Variants in BMS1 observed in about 807,000 individuals in gnomAD.
BMS1 encodes ribosome biogenesis protein BMS1 homolog.
A neutral mutation model predicts 138.7 loss-of-function variants in BMS1; 53 were observed. That is an observed-to-expected ratio of 0.38 (90% CI 0.31 to 0.48). The LOEUF is 0.48. Ranked by LOEUF, BMS1 falls within the 20% of genes least tolerant of loss-of-function variation. The pLI is 0.97. For missense variants in BMS1, 1,360 were observed against 1,565.5 expected (o/e 0.87, Z 2.22); for synonymous variants, 504 against 539.9 (o/e 0.93, Z 0.92).
chr10:42,807,195 G>A (rs2132342840), intron 13 of BMS1, among the ~76,000 whole-genome samples: 1 of 152,306 alleles, frequency 6.6e-6, no homozygotes, highest in African/African-American at 2.4e-5. Flanking sequence ...CGTCCCTGCT[G>A]TTCCCCAGCC....
rs568004334 is a variant in BMS1, at chr10:42,806,034, A to C, written c.2329+3816A>C. 9.9e-5 allele frequency among the ~76,000 whole-genome samples: 15 copies of C among 152,174 alleles called. 1 individual carries two copies. The highest frequency in any genetic ancestry group is 8.5e-4 in the Admixed American group (13 of 15,276). On this transcript the variant is annotated intron_variant, in intron 13 of 22. Coordinates refer to ENST00000374518, the MANE Select transcript of BMS1 (RefSeq NM_014753.4). ...AGGCTAGTCTCAAACTCCTGACCTC[A>C]AGTGTGTGTTTGGAGGGGAGGGGTA... is the stretch of plus-strand genomic sequence containing the variant.
At chr10:42,827,153 G>T (rs377584287) in intron 21 of BMS1, among the ~76,000 whole-genome samples, 1 of 152,050 alleles carries the variant, frequency 6.6e-6, no homozygotes, top group Non-Finnish European at 1.5e-5. Flanking sequence ...CTAGACTCTC[G>T]TGTTTCCTCT....
intron 21 of BMS1, among the ~76,000 whole-genome samples, chr10:42,829,820 C>CA (rs1413908369): frequency 7.6e-6 from 1 of 131,406 alleles, no homozygotes. Flanking sequence ...GACTCCATCT[C>CA]AAAAAAACAA....
chr10:42,808,430 C>G (rs780964975), intron 13 of BMS1, among the ~76,000 whole-genome samples: 9 of 151,786 alleles, frequency 5.9e-5, no homozygotes, highest in Non-Finnish European at 1.3e-4. Flanking sequence ...TCCCGAGTAG[C>G]TGGGACTACA....
At chr10:42,817,576 G>A (rs904300043) in intron 15 of BMS1, 82 bp downstream of exon 15, 26 of 1,335,170 alleles carry the variant, frequency 1.9e-5, no homozygotes, top group African/African-American at 3.0e-5. Context: ...GGGTCCCTAC[G>A]TCCTATCCTG....
intron 9 of BMS1, among the ~76,000 whole-genome samples, chr10:42,795,400 GC>G (rs1356836093): frequency 7.3e-5 from 11 of 151,558 alleles, no homozygotes; most frequent in Non-Finnish European, 1.3e-4. Flanking sequence ...GCTCACTTCA[GC>G]CTTGAACTCC....
At chr10:42,800,768 C>A (rs1461631931) in intron 12 of BMS1, among the ~76,000 whole-genome samples, 1 of 152,134 alleles carries the variant, frequency 6.6e-6, no homozygotes, top group Non-Finnish European at 1.5e-5. Flanking sequence ...ACCTCCTGAG[C>A]CACGTGCCTC....
At chr10:42,793,409 G>A (rs969029008) in intron 8 of BMS1, among the ~76,000 whole-genome samples, 1 of 151,802 alleles carries the variant, frequency 6.6e-6, no homozygotes, top group African/African-American at 2.4e-5. Context: ...GCGCCTGCAC[G>A]GCCCATCCCC....
At chr10:42,802,385 G>T (rs2132331662) in intron 13 of BMS1, among the ~76,000 whole-genome samples, 167 bp downstream of exon 13, 1 of 152,260 alleles carries the variant, frequency 6.6e-6, no homozygotes, top group Middle Eastern at 3.4e-3. Flanking sequence ...CTTTTATGAT[G>T]ATCTTATTTT....
chr10:42,786,589 CTTTT>C (rs767043438), intron 3 of BMS1, among the ~76,000 whole-genome samples: 1 of 142,188 alleles, frequency 7.0e-6, no homozygotes, highest in Admixed American at 7.1e-5. Context: ...CTTTTTTTTC[CTTTT>C]TTTTTTTTTT....
rs200819885 is a variant in BMS1 at position 42,822,193 on chromosome 10, A to G, written c.3132+9A>G. ...ACACTTCATTTATTAAGGTCTGTAT[A>G]TCTATATATTCTCATATTTATAAAT... On this transcript the variant is annotated intron_variant, in intron 19 of 22. Transcript: ENST00000374518. 4.5e-4 allele frequency: 585 copies of G among 1,289,036 alleles called. No individual in the cohort carries two copies. Among genetic ancestry groups the G allele is most frequent in the South Asian group, 6.9e-4 (55 of 79,540 alleles). 79.8% of individuals were successfully genotyped at this position (1,289,036 alleles called of 1,614,324 possible). A position where few individuals can be genotyped will look rare whatever the true frequency, so the allele number is the denominator to read the frequency against.
At chr10:42,819,425 A>G (rs766900965) in intron 15 of BMS1, among the ~76,000 whole-genome samples, 15 of 152,210 alleles carry the variant, frequency 9.9e-5, no homozygotes, top group African/African-American at 3.6e-4. Context: ...ATTGTAATTA[A>G]TTTTAATGTA....
intron 20 of BMS1, 105 bp downstream of exon 20, chr10:42,823,370 T>A: frequency 7.0e-7 from 1 of 1,423,380 alleles, no homozygotes; most frequent in Non-Finnish European, 9.4e-7. Flanking sequence ...GTTGAGCAGC[T>A]CCAGCCTTAG....
intron 3 of BMS1, among the ~76,000 whole-genome samples, chr10:42,786,843 A>G (rs972571940): frequency 8.5e-5 from 13 of 152,170 alleles, no homozygotes; most frequent in Non-Finnish European, 1.6e-4. Context: ...GGAAGTTTTG[A>G]TAGAGGCAAA....
chr10:42,823,894 G>A, intron 21 of BMS1, 110 bp downstream of exon 21: 1 of 987,732 alleles, frequency 1.0e-6, no homozygotes, highest in African/African-American at 1.7e-5. Context: ...CAAGTATAAA[G>A]TCTAACGTTA....
intron 11 of BMS1, among the ~76,000 whole-genome samples, chr10:42,798,096 G>T (rs1409830188): frequency 6.6e-6 from 1 of 152,160 alleles, no homozygotes; most frequent in Non-Finnish European, 1.5e-5. Context: ...TTTCATTCAG[G>T]TTTTGTCTAG....
At chr10:42,814,677 A>T (rs1008692644) in intron 13 of BMS1, among the ~76,000 whole-genome samples, 1 of 152,178 alleles carries the variant, frequency 6.6e-6, no homozygotes, top group Non-Finnish European at 1.5e-5. Context: ...ATTTAATTTC[A>T]GAGCCTTCAT....
intron 13 of BMS1, among the ~76,000 whole-genome samples, chr10:42,811,003 T>C (rs1287149669): frequency 6.6e-6 from 1 of 152,100 alleles, no homozygotes; most frequent in Non-Finnish European, 1.5e-5. Context: ...TTCTCTGTTT[T>C]TCTGCTTTCA....
chr10:42,789,061 A>G (rs1841424963), intron 4 of BMS1, among the ~76,000 whole-genome samples: 1 of 152,174 alleles, frequency 6.6e-6, no homozygotes, highest in South Asian at 2.1e-4. Context: ...CCTCCTGTGT[A>G]CAGCAAAGGC....
Sources: gnomAD v4.1 joint callset for allele counts (sites outside exome capture counted in the v4.1 genomes callset) on GRCh38, gnomAD v4.1.1 for gene constraint, MANE v1.5 for transcripts, NCBI Gene and HGNC (gene_info 2026-07-23, HGNC 2026-07-21) for gene names.